NELL2: variants seen among roughly 807,000 people sequenced by gnomAD.
The protein encoded by NELL2 is neural EGFL like 2.
In NELL2, 41 loss-of-function variants were observed where a neutral mutation model predicts 109.6. The ratio of observed to expected loss-of-function variants is 0.37; its 90% CI spans 0.29 to 0.49. The LOEUF is 0.49. Among genes scored for constraint, NELL2 ranks in the 20% least tolerant of loss-of-function variants. The probability of loss-of-function intolerance (pLI) is 0.98; values close to 1 mark genes in which losing one functional copy is unlikely to be tolerated. For synonymous variants in NELL2, 355 were observed against 344.7 expected (o/e 1.03, Z -0.33); for missense variants, 900 against 1,008.3 (o/e 0.89, Z 1.45).
At chr12:44,841,077 T>C (rs1944212341) in intron 2 of NELL2, among the ~76,000 whole-genome samples, 1 of 152,158 alleles carries the variant, frequency 6.6e-6, no homozygotes, top group African/African-American at 2.4e-5. Flanking sequence ...TTCAACAGTT[T>C]AAAACTCAGT....
intron 9 of NELL2, among the ~76,000 whole-genome samples, chr12:44,732,432 G>T (rs1310088152): frequency 6.6e-6 from 1 of 151,860 alleles, no homozygotes; most frequent in Non-Finnish European, 1.5e-5. Context: ...TCTCCAACAA[G>T]AATACTAAGA....
At chr12:44,630,883 T>C (rs1183806111) in intron 13 of NELL2, among the ~76,000 whole-genome samples, 1 of 152,138 alleles carries the variant, frequency 6.6e-6, no homozygotes, top group Non-Finnish European at 1.5e-5. Flanking sequence ...AAAATAAGGA[T>C]AGCTTAATCA....
intron 3 of NELL2, among the ~76,000 whole-genome samples, chr12:44,812,452 G>T (rs551447264): frequency 4.6e-5 from 7 of 152,118 alleles, no homozygotes; most frequent in Non-Finnish European, 1.0e-4. Flanking sequence ...GCCAAGAATG[G>T]TTGAATTATC....
At chr12:44,747,975 G>A (rs1157453903) in intron 9 of NELL2, among the ~76,000 whole-genome samples, 1 of 152,130 alleles carries the variant, frequency 6.6e-6, no homozygotes, top group East Asian at 1.9e-4. Context: ...AAGGCAAGTG[G>A]TCTTGCATCA....
At chr12:44,644,096 T>C (rs1946961666) in intron 13 of NELL2, among the ~76,000 whole-genome samples, 1 of 152,146 alleles carries the variant, frequency 6.6e-6, no homozygotes, top group Non-Finnish European at 1.5e-5. Context: ...GATTCAGCTA[T>C]TGATAGACTA....
chr12:44,658,877 CAAAAAAAAAAAA>C (rs58696965), intron 13 of NELL2, among the ~76,000 whole-genome samples: 2 of 69,924 alleles, frequency 2.9e-5, no homozygotes, highest in South Asian at 5.8e-4. Flanking sequence ...ACTCTGTCTC[CAAAAAAAAAAAA>C]AAAAAAAAAA....
intron 10 of NELL2, among the ~76,000 whole-genome samples, chr12:44,713,177 TACACAC>T (rs35017907): frequency 0.15 from 21,145 of 141,624 alleles, 2,009 homozygotes; most frequent in African/African-American, 0.27. Flanking sequence ...ATGAATAGGA[TACACAC>T]ACACACACAC....
At chr12:44,531,341 A>T (rs1437709379) in intron 16 of NELL2, among the ~76,000 whole-genome samples, 1 of 152,220 alleles carries the variant, frequency 6.6e-6, no homozygotes, top group Non-Finnish European at 1.5e-5. Context: ...GTAGCTTATC[A>T]GGGAAGAACA....
intron 9 of NELL2, among the ~76,000 whole-genome samples, chr12:44,760,347 C>T (rs968486288): frequency 2.0e-5 from 3 of 151,704 alleles, no homozygotes; most frequent in African/African-American, 7.3e-5. Context: ...TAAAAGATAC[C>T]AGAATAAGAC....
chr12:44,790,024 A>T (rs574401104), intron 3 of NELL2, among the ~76,000 whole-genome samples: 1 of 152,298 alleles, frequency 6.6e-6, no homozygotes, highest in East Asian at 1.9e-4. Context: ...GAGGAAGAAG[A>T]TAATTCTAAA....
At chr12:44,519,933 G>T in intron 19 of NELL2, 72 bp downstream of exon 19, 3 of 1,300,536 alleles carry the variant, frequency 2.3e-6, no homozygotes, top group South Asian at 1.2e-5. Flanking sequence ...TGTCCAGGTA[G>T]AGCACATTAT....
intron 3 of NELL2, among the ~76,000 whole-genome samples, chr12:44,795,452 A>G (rs751142553): frequency 6.6e-6 from 1 of 152,162 alleles, no homozygotes; most frequent in African/African-American, 2.4e-5. Context: ...GAAGGATTCA[A>G]TGTGATAATC....
intron 9 of NELL2, among the ~76,000 whole-genome samples, chr12:44,753,047 A>T (rs1002333106): frequency 3.9e-5 from 6 of 152,048 alleles, no homozygotes; most frequent in Non-Finnish European, 8.8e-5. Flanking sequence ...TATGCAGTTC[A>T]TTGAACACAG....
At chr12:44,545,130 A>C (rs760253333) in intron 15 of NELL2, among the ~76,000 whole-genome samples, 2 of 152,126 alleles carry the variant, frequency 1.3e-5, no homozygotes, top group Non-Finnish European at 2.9e-5. Flanking sequence ...TTTCTGGTTT[A>C]ACATAGAATT....
chr12:44,591,922 A>G (rs1482543174), intron 15 of NELL2, among the ~76,000 whole-genome samples: 1 of 152,226 alleles, frequency 6.6e-6, no homozygotes, highest in Admixed American at 6.5e-5. Flanking sequence ...TTAAAAATTA[A>G]AGATTAATAA....
chr12:44,730,807 A>C (rs1269861904), intron 9 of NELL2, among the ~76,000 whole-genome samples: 1 of 152,044 alleles, frequency 6.6e-6, no homozygotes, highest in Non-Finnish European at 1.5e-5. Context: ...AGAGGATAAA[A>C]ACAATAGAAA....
chr12:44,706,942 C>T (rs1937916677), intron 11 of NELL2, among the ~76,000 whole-genome samples: 1 of 151,876 alleles, frequency 6.6e-6, no homozygotes, highest in Non-Finnish European at 1.5e-5. Flanking sequence ...TCTTATATAA[C>T]TGGAAAAGAG....
At chr12:44,723,953 C>A (rs539073289) in intron 9 of NELL2, among the ~76,000 whole-genome samples, 1 of 152,106 alleles carries the variant, frequency 6.6e-6, no homozygotes, top group South Asian at 2.1e-4. Context: ...ATGTTCACTG[C>A]AGCACTATTC....
At chr12:44,828,102 G>C (rs748190866) in intron 2 of NELL2, among the ~76,000 whole-genome samples, 12 of 152,098 alleles carry the variant, frequency 7.9e-5, no homozygotes, top group Non-Finnish European at 1.5e-4. Flanking sequence ...TTTGCCATTT[G>C]TATGACTTCT....
Sources: allele counts gnomAD v4.1 joint callset (sites outside exome capture counted in the v4.1 genomes callset), GRCh38; gene constraint gnomAD v4.1.1; transcripts MANE v1.5; gene names NCBI Gene and HGNC (gene_info 2026-07-23, HGNC 2026-07-21).